Variants in FAT3 observed in about 807,000 individuals in gnomAD.
FAT3 encodes the protein FAT atypical cadherin 3.
A neutral mutation model predicts 310.2 loss-of-function variants in FAT3; 95 were observed. The ratio of observed to expected loss-of-function variants is 0.31; its 90% CI spans 0.26 to 0.36. The LOEUF (loss-of-function observed/expected upper bound fraction) is 0.36, where lower values mean the gene tolerates loss of function less well. FAT3 is among the 10% of genes least tolerant of loss of function. The pLI is 1.00. For missense variants in FAT3, 5,408 were observed against 5,715.6 expected (o/e 0.95, Z 1.74); for synonymous variants, 2,314 against 2,192.9 (o/e 1.06, Z -1.54).
chr11:92,627,236 GAC>G lies in FAT3; in HGVS notation c.3608-70144_3608-70143del, dbSNP rs1941371434. ...TCTTTATATAAAGGTTAGTAAGAAAGACACAGAGCAGTGATTTCAGTGTCTCT... is the reference window on the plus strand; with the variant it reads ...TCTTTATATAAAGGTTAGTAAGAAAGACAGAGCAGTGATTTCAGTGTCTCT... On this transcript the variant is annotated intron_variant, in intron 3 of 27. Transcript: ENST00000525166. 4.6e-5 allele frequency among the ~76,000 whole-genome samples: 7 copies of G among 152,320 alleles called. No homozygotes were observed. The South Asian group carries it at 1.2e-3, about 27-fold the overall frequency.
At chr11:92,743,564 TG>T (rs1313351770) in intron 4 of FAT3, among the ~76,000 whole-genome samples, 1 of 152,188 alleles carries the variant, frequency 6.6e-6, no homozygotes, top group Non-Finnish European at 1.5e-5. Context: ...CCTGGCCAAA[TG>T]GGCCCCAGGG....
rs573060236 is a variant in FAT3 at position 92,286,570 on chromosome 11, G to A, written c.-18+61396G>A. Among the ~76,000 whole-genome samples, 8 of 152,246 alleles carry A rather than the reference G, an allele frequency of 5.3e-5. No homozygotes were observed. The South Asian group carries it at 1.7e-3, about 32-fold the overall frequency. On this transcript the variant is annotated intron_variant, in intron 1 of 27. Transcript: ENST00000525166. ...TTCCTGAAGGACCATGCTTGAGTTAGCAGTAGTCTCTGATAACTAGTTCAC... is the reference window on the plus strand; with the variant it reads ...TTCCTGAAGGACCATGCTTGAGTTAACAGTAGTCTCTGATAACTAGTTCAC...
intron 3 of FAT3, among the ~76,000 whole-genome samples, chr11:92,643,562 A>G (rs905243564): frequency 1.3e-5 from 2 of 152,224 alleles, no homozygotes; most frequent in East Asian, 1.9e-4. Flanking sequence ...TGCTTCCAAC[A>G]AGGAGGATGA....
chr11:92,701,933 G>T (rs1435768358), intron 4 of FAT3, among the ~76,000 whole-genome samples: 1 of 152,088 alleles, frequency 6.6e-6, no homozygotes, highest in East Asian at 1.9e-4. Flanking sequence ...AGATGTTTAA[G>T]CTCCCTGTGG....
intron 2 of FAT3, among the ~76,000 whole-genome samples, chr11:92,469,058 G>C (rs1481371607): frequency 6.6e-6 from 1 of 152,102 alleles, no homozygotes; most frequent in Non-Finnish European, 1.5e-5. Context: ...TAATTTCTCA[G>C]CATGGGTTCA....
chr11:92,572,089 C>A (rs1184431520), intron 3 of FAT3, among the ~76,000 whole-genome samples: 1 of 152,180 alleles, frequency 6.6e-6, no homozygotes, highest in Non-Finnish European at 1.5e-5. Context: ...ATGTGCCTGG[C>A]ACTGGAGATT....
intron 3 of FAT3, among the ~76,000 whole-genome samples, chr11:92,593,429 C>T (rs1424625078): frequency 1.3e-5 from 2 of 151,706 alleles, no homozygotes; most frequent in African/African-American, 4.8e-5. Context: ...TAACAGTTGT[C>T]ACATGCCATT....
intron 2 of FAT3, among the ~76,000 whole-genome samples, chr11:92,407,658 A>G (rs1244486901): frequency 6.6e-6 from 1 of 152,140 alleles, no homozygotes; most frequent in African/African-American, 2.4e-5. Flanking sequence ...AATTACCCAA[A>G]CAAGAGCATG....
chr11:92,615,060 A>G (rs762957717), intron 3 of FAT3, among the ~76,000 whole-genome samples: 10 of 152,192 alleles, frequency 6.6e-5, no homozygotes, highest in Non-Finnish European at 1.3e-4. Flanking sequence ...TCATTGGACT[A>G]TGTGTCTATT....
At chr11:92,873,635 T>G (rs1393930287) in intron 22 of FAT3, among the ~76,000 whole-genome samples, 1 of 152,242 alleles carries the variant, frequency 6.6e-6, no homozygotes, top group Non-Finnish European at 1.5e-5. Flanking sequence ...TTATACCATT[T>G]CCATTTTTGC....
At chr11:92,366,764 G>C in intron 2 of FAT3, 1 of 532,144 alleles carries the variant, frequency 1.9e-6, no homozygotes, top group Non-Finnish European at 3.8e-6. Flanking sequence ...AAAGAGTAGA[G>C]CTCTGGTGGT....
intron 4 of FAT3, among the ~76,000 whole-genome samples, chr11:92,737,229 T>A (rs996139830): frequency 1.3e-5 from 2 of 152,162 alleles, no homozygotes; most frequent in Admixed American, 6.6e-5. Context: ...ATCTGCCTAG[T>A]CTGCTGATTA....
At chr11:92,747,625 TCG>T (rs1230531033) in intron 4 of FAT3, among the ~76,000 whole-genome samples, 33 of 152,328 alleles carry the variant, frequency 2.2e-4, no homozygotes, top group African/African-American at 7.5e-4. Context: ...TTCTTTTCTA[TCG>T]CATTGTTAGG....
intron 3 of FAT3, among the ~76,000 whole-genome samples, chr11:92,659,836 C>T (rs1281301666): frequency 6.6e-6 from 1 of 152,144 alleles, no homozygotes; most frequent in African/African-American, 2.4e-5. Context: ...TCTCAGGAAA[C>T]TCAGACTGGA....
intron 2 of FAT3, among the ~76,000 whole-genome samples, chr11:92,435,891 T>C (rs1191255544): frequency 6.6e-6 from 1 of 151,974 alleles, no homozygotes; most frequent in Admixed American, 6.6e-5. Flanking sequence ...TTACCTATTC[T>C]GTGTCTAGTA....
chr11:92,257,236 G>T (rs906297236), intron 1 of FAT3, among the ~76,000 whole-genome samples: 2 of 152,094 alleles, frequency 1.3e-5, no homozygotes, highest in African/African-American at 4.8e-5. Context: ...TTTGTACCTA[G>T]GATTGTCTTG....
chr11:92,414,702 G>A (rs524063), intron 2 of FAT3, among the ~76,000 whole-genome samples: 135,886 of 152,254 alleles, frequency 0.89, 60,692 homozygotes, highest in Admixed American at 0.91. Context: ...CCCTCTTGTC[G>A]CTGGGCTTTT....
chr11:92,519,540 A>T (rs1406192428), intron 2 of FAT3, among the ~76,000 whole-genome samples: 1 of 152,096 alleles, frequency 6.6e-6, no homozygotes, highest in Non-Finnish European at 1.5e-5. Flanking sequence ...TGTATATGAA[A>T]ATATAAGATT....
In FAT3 at chr11:92,524,906, A is replaced by G. The variant is rs938651321; in HGVS notation, c.3565A>G (p.Ser1189Gly). The change falls in exon 3 of 28, where the codon AGT (serine) becomes GGT (glycine). Residue 1189 changes from serine (S) to glycine (G), a missense_variant. Coordinates refer to ENST00000525166, the MANE Select transcript of FAT3 (RefSeq NM_001367949.2). ...TGAAAAACTGACATACAGGATTACA[A>G]GTGGAAATCCTCAGAATTTTTTTGC... ...SNEKLTYRIT[S>G]GNPQNFFAIN... 1 of 1,613,848 alleles carries G rather than the reference A, an allele frequency of 6.2e-7. No individual in the cohort carries two copies.
Sources: allele counts gnomAD v4.1 joint callset (sites outside exome capture counted in the v4.1 genomes callset), GRCh38; gene constraint gnomAD v4.1.1; transcripts MANE v1.5; gene names NCBI Gene and HGNC (gene_info 2026-07-23, HGNC 2026-07-21).